Variants in EYA4 observed in about 807,000 individuals in gnomAD.
EYA4 encodes the protein protein phosphatase EYA4.
In EYA4, 31 loss-of-function variants were observed where a neutral mutation model predicts 87.9. The ratio of observed to expected loss-of-function variants is 0.35; its 90% CI spans 0.27 to 0.48. The LOEUF is 0.48. Ranked by LOEUF, EYA4 falls within the 20% of genes least tolerant of loss-of-function variation. The probability of loss-of-function intolerance (pLI) is 0.99; values close to 1 mark genes in which losing one functional copy is unlikely to be tolerated. For synonymous variants in EYA4, 263 were observed against 270.6 expected, an observed-to-expected ratio of 0.97 and a Z score of 0.28; for missense variants, 678 against 761.4, an observed-to-expected ratio of 0.89 and a Z score of 1.29.
chr6:133,404,709 G>C, intron 3 of EYA4, among the ~76,000 whole-genome samples: 1 of 152,192 alleles, frequency 6.6e-6, no homozygotes, highest in African/African-American at 2.4e-5. Flanking sequence ...TATGCATTTA[G>C]TTATCAGTTA....
chr6:133,337,907 T>C (rs1782496190), intron 2 of EYA4, among the ~76,000 whole-genome samples: 1 of 152,214 alleles, frequency 6.6e-6, no homozygotes, highest in African/African-American at 2.4e-5. Flanking sequence ...CTGGAGAATT[T>C]CGCAGATTGG....
At chr6:133,390,699 T>A (rs956394460) in intron 3 of EYA4, among the ~76,000 whole-genome samples, 1 of 152,244 alleles carries the variant, frequency 6.6e-6, no homozygotes, top group African/African-American at 2.4e-5. Context: ...CTCCATTTCC[T>A]ACATGTATCA....
chr6:133,458,090 T>C (rs1794059214), intron 6 of EYA4, among the ~76,000 whole-genome samples: 1 of 152,098 alleles, frequency 6.6e-6, no homozygotes, highest in African/African-American at 2.4e-5. Flanking sequence ...AGAAAATAGA[T>C]GGAAAAAGAA....
At chr6:133,423,584 AC>A (rs1335538511) in intron 3 of EYA4, among the ~76,000 whole-genome samples, 2 of 152,224 alleles carry the variant, frequency 1.3e-5, no homozygotes, top group Non-Finnish European at 2.9e-5. Context: ...CATTTTTATA[AC>A]TTTTATAATT....
At chr6:133,298,577 G>A (rs185576086) in intron 2 of EYA4, among the ~76,000 whole-genome samples, 1 of 152,166 alleles carries the variant, frequency 6.6e-6, no homozygotes, top group Admixed American at 6.5e-5. Context: ...CCAGTTTTTC[G>A]ATGTACTTTT....
intron 2 of EYA4, among the ~76,000 whole-genome samples, chr6:133,306,135 T>A (rs933750512): frequency 1.3e-5 from 2 of 152,154 alleles, no homozygotes; most frequent in African/African-American, 4.8e-5. Flanking sequence ...ATGTAGACAA[T>A]GCATTCATAT....
At chr6:133,485,130 C>G (rs1036514994) in intron 13 of EYA4, among the ~76,000 whole-genome samples, 1 of 152,246 alleles carries the variant, frequency 6.6e-6, no homozygotes, top group Non-Finnish European at 1.5e-5. Flanking sequence ...CAACTTCTCT[C>G]AGCACTGCTG....
At chr6:133,446,971 A>G (rs1202338886) in intron 4 of EYA4, among the ~76,000 whole-genome samples, 1 of 152,224 alleles carries the variant, frequency 6.6e-6, no homozygotes, top group Non-Finnish European at 1.5e-5. Context: ...AATAGATAGC[A>G]TTGAGCAACA....
At chr6:133,317,107 T>C (rs1780687933) in intron 2 of EYA4, among the ~76,000 whole-genome samples, 1 of 152,214 alleles carries the variant, frequency 6.6e-6, no homozygotes, top group South Asian at 2.1e-4. Flanking sequence ...GTTCTCACCT[T>C]CAAACAGCTG....
chr6:133,448,096 T>C lies in EYA4; in HGVS notation c.209-15T>C, dbSNP rs1375226070. On this transcript the variant is annotated splice_polypyrimidine_tract_variant and intron_variant, in intron 4 of 19. Transcript: ENST00000355286. The stretch of plus-strand genomic sequence containing the variant: ...GCATTCAGACAATGAACTTTTATAC[T>C]GTTCCTGTTCTCAGGGGAAAACATG... 6.2e-7 allele frequency: 1 copy of C among 1,605,026 alleles called. No individual in the cohort carries two copies. The highest frequency in any genetic ancestry group is 2.2e-5 in the East Asian group (1 of 44,844).
At chr6:133,362,843 G>A (rs1404736329) in intron 2 of EYA4, among the ~76,000 whole-genome samples, 1 of 152,058 alleles carries the variant, frequency 6.6e-6, no homozygotes, top group East Asian at 1.9e-4. Context: ...CCCCCTCCTC[G>A]GACTCTACTT....
intron 13 of EYA4, among the ~76,000 whole-genome samples, chr6:133,488,111 G>T (rs1796834980): frequency 1.3e-5 from 2 of 152,196 alleles, no homozygotes; most frequent in Non-Finnish European, 2.9e-5. Flanking sequence ...CTTGCCATGG[G>T]CCTGGAGCAG....
chr6:133,461,325 T>C (rs1342597539), intron 7 of EYA4, 145 bp downstream of exon 7: 1 of 697,586 alleles, frequency 1.4e-6, no homozygotes, highest in African/African-American at 1.8e-5. Flanking sequence ...CACATGTATC[T>C]TGATGATTCC....
At chr6:133,356,149 C>T (rs1383398262) in intron 2 of EYA4, among the ~76,000 whole-genome samples, 1 of 152,128 alleles carries the variant, frequency 6.6e-6, no homozygotes, top group Non-Finnish European at 1.5e-5. Flanking sequence ...CGTGATGACC[C>T]TGCTCCTCAT....
chr6:133,319,836 C>T (rs559247113), intron 2 of EYA4, among the ~76,000 whole-genome samples: 1 of 152,036 alleles, frequency 6.6e-6, no homozygotes, highest in East Asian at 1.9e-4. Context: ...CCATCTCAGC[C>T]CCCCAGAGTA....
intron 3 of EYA4, among the ~76,000 whole-genome samples, chr6:133,429,600 G>C (rs1468684095): frequency 6.6e-6 from 1 of 152,160 alleles, no homozygotes; most frequent in Non-Finnish European, 1.5e-5. Flanking sequence ...AAACGATAAA[G>C]ATAATAGCTA....
At chr6:133,392,579 T>C (rs1049136717) in intron 3 of EYA4, among the ~76,000 whole-genome samples, 1 of 152,186 alleles carries the variant, frequency 6.6e-6, no homozygotes, top group Non-Finnish European at 1.5e-5. Flanking sequence ...AAATTGTGGT[T>C]ATTTTGGGGC....
intron 2 of EYA4, among the ~76,000 whole-genome samples, chr6:133,352,649 A>C (rs58715540): frequency 0.031 from 4,749 of 152,246 alleles, 174 homozygotes; most frequent in East Asian, 0.2. Flanking sequence ...CAGTAAATAC[A>C]AGTTAGAAAG....
intron 13 of EYA4, among the ~76,000 whole-genome samples, chr6:133,493,645 A>G (rs369370942): frequency 6.6e-6 from 1 of 152,206 alleles, no homozygotes; most frequent in South Asian, 2.1e-4. Flanking sequence ...CAGTCAACAA[A>G]GTGAAGAGAT....
Sources: gnomAD v4.1 joint callset for allele counts (sites outside exome capture counted in the v4.1 genomes callset) on GRCh38, gnomAD v4.1.1 for gene constraint, MANE v1.5 for transcripts, NCBI Gene and HGNC (gene_info 2026-07-23, HGNC 2026-07-21) for gene names.